GUCY1B1: variants seen among roughly 807,000 people sequenced by gnomAD.
GUCY1B1 encodes the protein guanylate cyclase soluble subunit beta-1.
In GUCY1B1, 43 loss-of-function variants were observed where a neutral mutation model predicts 71.0. The observed-to-expected ratio is 0.61, with a 90% confidence interval of 0.47 to 0.78. The LOEUF is 0.78. Ranked by LOEUF, GUCY1B1 falls within the 30% of genes least tolerant of loss-of-function variation. The probability of loss-of-function intolerance (pLI) is 0.00; values close to 1 mark genes in which losing one functional copy is unlikely to be tolerated. For synonymous variants in GUCY1B1, 266 were observed against 259.7 expected (o/e 1.02, Z -0.23); for missense variants, 535 against 754.1 (o/e 0.71, Z 3.40).
chr4:155,804,533 A>T (rs1442421297), intron 11 of GUCY1B1, 60 bp from the exon 12 acceptor site: 59 of 1,420,200 alleles, frequency 4.2e-5, no homozygotes, highest in East Asian at 4.6e-5. Flanking sequence ...GTAAAATAAA[A>T]AAAAAAAAAT....
intron 8 of GUCY1B1, among the ~76,000 whole-genome samples, chr4:155,799,675 A>C (rs985447025): frequency 6.6e-6 from 1 of 152,196 alleles, no homozygotes; most frequent in Non-Finnish European, 1.5e-5. Context: ...ATGCATCTCA[A>C]GTTCACTGCT....
At chr4:155,784,033 T>C (rs562778660) in intron 4 of GUCY1B1, among the ~76,000 whole-genome samples, 2 of 152,166 alleles carry the variant, frequency 1.3e-5, no homozygotes, top group African/African-American at 4.8e-5. Flanking sequence ...CATGTAGTAT[T>C]ATATAGACTG....
At chr4:155,776,517 A>G (rs193265679) in intron 3 of GUCY1B1, among the ~76,000 whole-genome samples, 1 of 152,174 alleles carries the variant, frequency 6.6e-6, no homozygotes, top group Non-Finnish European at 1.5e-5. Flanking sequence ...TAAAAATACA[A>G]AAATTATCCA....
chr4:155,767,283 A>G (rs1008750689), intron 2 of GUCY1B1, among the ~76,000 whole-genome samples: 3 of 152,186 alleles, frequency 2.0e-5, no homozygotes, highest in Non-Finnish European at 4.4e-5. Flanking sequence ...TTTGACAACA[A>G]TATTTTTAAA....
At position 155,789,795 on chromosome 4, in the gene GUCY1B1, A is replaced by G. The variant is rs1173725846; in HGVS notation, c.379A>G (p.Lys127Glu). The G allele has an allele frequency of 1.9e-6, 3 of 1,607,018 alleles. No homozygotes were observed. In the East Asian group the frequency reaches 6.7e-5, roughly 36 times the overall value. Residue 127 changes from lysine (K) to glutamate (E), a missense_variant, in exon 5 of 14, where the codon AAG becomes GAG. Lys to Glu is a moderately conservative substitution (Grantham distance 56). Coordinates refer to ENST00000264424, the MANE Select transcript of GUCY1B1 (RefSeq NM_000857.5). ...APSFRCTDAE[K>E]GKGLILHYYS... ...TTCCTTTAGGTGCACTGATGCAGAA[A>G]AGGGCAAAGGACTCATTTTGCACTA...
intron 4 of GUCY1B1, among the ~76,000 whole-genome samples, chr4:155,782,157 A>G (rs181775563): frequency 0.012 from 1,879 of 151,608 alleles, 30 homozygotes; most frequent in African/African-American, 0.038. Flanking sequence ...CTCACTGCAA[A>G]CTCCGCCTCC....
intron 1 of GUCY1B1, chr4:155,759,369 T>A: frequency 1.8e-6 from 1 of 555,606 alleles, no homozygotes; most frequent in Non-Finnish European, 3.1e-6. Context: ...GGTTTGCCGC[T>A]CCACACCGCA....
chr4:155,766,631 G>A (rs1156330945), intron 2 of GUCY1B1, among the ~76,000 whole-genome samples: 1 of 152,126 alleles, frequency 6.6e-6, no homozygotes, highest in Non-Finnish European at 1.5e-5. Context: ...AAGTGTCAGA[G>A]TTCTTTTATG....
At chr4:155,787,579 T>A (rs1579229584) in intron 4 of GUCY1B1, among the ~76,000 whole-genome samples, 1 of 152,168 alleles carries the variant, frequency 6.6e-6, no homozygotes, top group South Asian at 2.1e-4. Context: ...ACTCTACACA[T>A]CCATTTGTGA....
Position 155,806,383 on chromosome 4 carries a change from A to G in GUCY1B1, c.1837-3A>G. 2 of 1,595,208 alleles carry G rather than the reference A, an allele frequency of 1.3e-6. No individual in the cohort carries two copies. The highest frequency in any genetic ancestry group is 1.7e-6 in the Non-Finnish European group (2 of 1,163,444). On this transcript the variant is annotated splice_polypyrimidine_tract_variant and splice_region_variant and intron_variant, in intron 13 of 13. Coordinates refer to ENST00000264424, the MANE Select transcript of GUCY1B1 (RefSeq NM_000857.5). ...AATCCCTCTTTTCTTCTGCCTATTT[A>G]AGGAAACAAAGCAGGATGATGACTG...
chr4:155,804,529 TA>T (rs113362223), intron 11 of GUCY1B1, 63 bp from the exon 12 acceptor site: 84,000 of 949,496 alleles, frequency 0.088, 3 homozygotes, highest in South Asian at 0.13. Flanking sequence ...TAAAGTAAAA[TA>T]AAAAAAAAAA....
At chr4:155,759,932 G>C in intron 2 of GUCY1B1, 72 bp downstream of exon 2, 1 of 1,114,426 alleles carries the variant, frequency 9.0e-7, no homozygotes, top group South Asian at 1.3e-5. Flanking sequence ...GCCTCGCCTG[G>C]TCCTCAGCCT....
At chr4:155,794,958 G>T (rs1322468777) in intron 6 of GUCY1B1, among the ~76,000 whole-genome samples, 1 of 152,210 alleles carries the variant, frequency 6.6e-6, no homozygotes, top group East Asian at 1.9e-4. Context: ...AATATTAAGA[G>T]AGGGTTTGCT....
In GUCY1B1 at chr4:155,777,988, T is replaced by A. The variant is rs551075252; in HGVS notation, c.297+346T>A. ...ATTGTGGTTTTATGTGTTAGACATT[T>A]AATATGGCCTTATTTTCTATTTACA... is the stretch of plus-strand genomic sequence containing the variant. On this transcript the variant is annotated intron_variant, in intron 4 of 13. Coordinates refer to ENST00000264424, the MANE Select transcript of GUCY1B1 (RefSeq NM_000857.5). Among the ~76,000 whole-genome samples, 54 of 152,292 alleles carry A rather than the reference T, an allele frequency of 3.5e-4. 1 individual carries two copies. In the South Asian group the frequency reaches 0.011, roughly 31 times the overall value.
intron 3 of GUCY1B1, among the ~76,000 whole-genome samples, chr4:155,776,069 CT>C (rs1415294235): frequency 1.3e-5 from 2 of 151,964 alleles, no homozygotes; most frequent in African/African-American, 4.8e-5. Flanking sequence ...CATGAAATAA[CT>C]TTTTTTATTA....
At chr4:155,781,931 G>A (rs1045861894) in intron 4 of GUCY1B1, among the ~76,000 whole-genome samples, 8 of 151,996 alleles carry the variant, frequency 5.3e-5, no homozygotes, top group East Asian at 1.9e-4. Context: ...TATTTTACCT[G>A]GGTATATTGT....
intron 2 of GUCY1B1, among the ~76,000 whole-genome samples, chr4:155,763,464 G>C (rs1457486594): frequency 6.6e-6 from 1 of 151,978 alleles, no homozygotes; most frequent in Admixed American, 6.6e-5. Context: ...AAATAAATCA[G>C]ATAAAACGTT....
At chr4:155,782,800 G>A (rs571544423) in intron 4 of GUCY1B1, among the ~76,000 whole-genome samples, 5 of 152,260 alleles carry the variant, frequency 3.3e-5, no homozygotes, top group Non-Finnish European at 7.3e-5. Context: ...TGTTGCGATG[G>A]TACCTCTAGA....
chr4:155,778,890 A>G lies in GUCY1B1; in HGVS notation c.297+1248A>G, dbSNP rs371894485. Among the ~76,000 whole-genome samples the G allele has an allele frequency of 4.6e-5, 7 of 152,150 alleles. No individual in the cohort carries two copies. In the East Asian group the frequency reaches 1.4e-3, roughly 29 times the overall value. On this transcript the variant is annotated intron_variant, in intron 4 of 13. Transcript: ENST00000264424. ...AACTTATAGCAAAGTTTCAACTTTCAGTTGTTCTGACTTATAACTCTCTCT... is the reference window on the plus strand; with the variant it reads ...AACTTATAGCAAAGTTTCAACTTTCGGTTGTTCTGACTTATAACTCTCTCT...
Sources: gnomAD v4.1 joint callset for allele counts (sites outside exome capture counted in the v4.1 genomes callset) on GRCh38, gnomAD v4.1.1 for gene constraint, MANE v1.5 for transcripts, NCBI Gene and HGNC (gene_info 2026-07-23, HGNC 2026-07-21) for gene names.